CARMIL3: variants seen among roughly 807,000 people sequenced by gnomAD.
CARMIL3 encodes the protein capping protein, Arp2/3 and myosin-I linker protein 3.
In CARMIL3, 88 loss-of-function variants were observed where a neutral mutation model predicts 180.8. The ratio of observed to expected loss-of-function variants is 0.49; its 90% CI spans 0.41 to 0.58. The LOEUF is 0.58. Among genes scored for constraint, CARMIL3 ranks in the 20% least tolerant of loss-of-function variants. The probability of loss-of-function intolerance (pLI) is 0.00; values close to 1 mark genes in which losing one functional copy is unlikely to be tolerated. For synonymous variants in CARMIL3, 696 were observed against 714.5 expected (o/e 0.97, Z 0.41); for missense variants, 1,548 against 1,787.0 (o/e 0.87, Z 2.41).
chr14:24,065,900 C>T, intron 34 of CARMIL3, 150 bp downstream of exon 34: 2 of 1,154,112 alleles, frequency 1.7e-6, no homozygotes, highest in Non-Finnish European at 2.4e-6. Flanking sequence ...CCCCACCACA[C>T]ACTTGCCGTG....
chr14:24,062,295 C>T (rs1028767243), intron 27 of CARMIL3, 185 bp from the exon 28 acceptor site: 25 of 643,958 alleles, frequency 3.9e-5, no homozygotes, highest in Middle Eastern at 4.1e-4. Flanking sequence ...TGGGACTAGA[C>T]GTGTATTTGT....
chr14:24,066,791 T>G (rs1400292049), intron 36 of CARMIL3, 135 bp downstream of exon 36: 9 of 886,658 alleles, frequency 1.0e-5, no homozygotes, highest in Non-Finnish European at 1.5e-5. Flanking sequence ...TGAAAATGTT[T>G]AAGGATATTT....
At position 24,069,424 on chromosome 14, in the gene CARMIL3, C is replaced by T. The variant is rs1189644823; in HGVS notation, c.*20C>T. On this transcript the variant is annotated 3_prime_UTR_variant, in exon 40 of 40. Coordinates refer to ENST00000342740, the MANE Select transcript of CARMIL3 (RefSeq NM_138360.4). ...GACTGACAACTGCCACAACACCCTC[C>T]TCAGCCCTCGACATGTGCCTCGCAA... 2 of 1,614,038 alleles carry T rather than the reference C, an allele frequency of 1.2e-6. No individual in the cohort carries two copies. Among genetic ancestry groups the T allele is most frequent in the African/African-American group, 1.3e-5 (1 of 74,928 alleles).
At position 24,054,076 on chromosome 14, in the gene CARMIL3, C is replaced by T. The variant is rs753792594; in HGVS notation, c.136-12C>T. On this transcript the variant is annotated splice_polypyrimidine_tract_variant and intron_variant, in intron 2 of 39. Transcript: ENST00000342740. This position sits in a 1 kb window ranked among gnomAD's most constrained non-coding sequence, Gnocchi z 5.1. ...GCTGCCATGAGCTGCCGATTTTTTC[C>T]TCTCTCTGTAGGCCCTGACCTCCTG... The T allele has an allele frequency of 1.2e-6, 2 of 1,613,284 alleles. No individual in the cohort carries two copies. The highest frequency in any genetic ancestry group is 1.7e-5 in the Admixed American group (1 of 60,028).
At chr14:24,055,658 G>GC (rs1306897489) in intron 9 of CARMIL3, 40 bp downstream of exon 9, 1 of 1,613,444 alleles carries the variant, frequency 6.2e-7, no homozygotes, top group East Asian at 2.2e-5. Context: ...GAGAAGTAGT[G>GC]CCCCCCTTGG....
intron 10 of CARMIL3, 37 bp downstream of exon 10, chr14:24,055,826 T>G: frequency 1.9e-6 from 3 of 1,588,462 alleles, no homozygotes; most frequent in Non-Finnish European, 2.6e-6. Context: ...TAGTGCACCC[T>G]TGATGTAGTT....
Position 24,058,320 on chromosome 14 carries a change from A to C in CARMIL3, c.1392+96A>C. The C allele has an allele frequency of 7.5e-7, 1 of 1,326,968 alleles. No individual in the cohort carries two copies. The highest frequency in any genetic ancestry group is 2.5e-5 in the East Asian group (1 of 39,538). 82.2% of individuals were successfully genotyped at this position (1,326,968 alleles called of 1,614,324 possible). A position where few individuals can be genotyped will look rare whatever the true frequency, so the allele number is the denominator to read the frequency against. Reference sequence around the variant, plus strand: ...CTGGCTCCATCTAGCCTCTGTGCTGACCCTCTGCGACCCCCTGACCTGGCC... The same window carrying C: ...CTGGCTCCATCTAGCCTCTGTGCTGCCCCTCTGCGACCCCCTGACCTGGCC... On this transcript the variant is annotated intron_variant, in intron 17 of 39. Coordinates refer to ENST00000342740, the MANE Select transcript of CARMIL3 (RefSeq NM_138360.4). This position sits in a 1 kb window ranked among gnomAD's most constrained non-coding sequence, Gnocchi z 6.4.
chr14:24,053,160 G>C (rs1323849078), intron 1 of CARMIL3, among the ~76,000 whole-genome samples: 4 of 151,992 alleles, frequency 2.6e-5, no homozygotes, highest in African/African-American at 9.7e-5. Flanking sequence ...AACACACACA[G>C]AGGAAGTGTC....
chr14:24,064,325 G>A lies in CARMIL3; in HGVS notation c.3059G>A (p.Arg1020Lys). 6.2e-7 allele frequency: 1 copy of A among 1,611,642 alleles called. No homozygotes were observed. Among genetic ancestry groups the A allele is most frequent in the Non-Finnish European group, 8.5e-7 (1 of 1,178,876 alleles). The change falls in exon 32 of 40, where the codon AGG becomes AAG. Residue 1020 changes from arginine to lysine, a missense_variant. Arg to Lys is a conservative substitution (Grantham distance 26). Around this residue, in one of 4 missense-constraint regions of CARMIL3, gnomAD observed 668 missense variants for 687.8 expected, o/e 0.97. Coordinates refer to ENST00000342740, the MANE Select transcript of CARMIL3 (RefSeq NM_138360.4). Reference protein sequence around the residue: ...DEGLEDFFSRRVLEESSSYPR... With the variant: ...DEGLEDFFSRKVLEESSSYPR... The stretch of plus-strand genomic sequence containing the variant: ...GGGCTGGAGGACTTCTTCAGCCGAA[G>A]GGTCCTGGAGGAAAGTTCTAGGTGT...
Position 24,066,606 on chromosome 14 carries a change from C to A in CARMIL3, c.3632C>A (p.Thr1211Asn). Residue 1211 changes from threonine (T) to asparagine (N), a missense_variant, in exon 36 of 40, where the codon ACC (threonine) becomes AAC (asparagine). Transcript: ENST00000342740. ...AAGCCCCCACCACCGCCCCAAAGCA[C>A]CAAACCAAGCTTCAGCGCCATGCGC... ...SWKPPPPPQS[T>N]KPSFSAMRRA... 1 of 1,614,228 alleles carries A rather than the reference C, an allele frequency of 6.2e-7. No individual in the cohort carries two copies. Among genetic ancestry groups the A allele is most frequent in the Non-Finnish European group, 8.5e-7 (1 of 1,180,038 alleles).
At position 24,068,871 on chromosome 14, in the gene CARMIL3, G is replaced by T; in HGVS notation, c.3887G>T (p.Arg1296Met). ...GRQPPQEPGV[R>M]EEAEAGDAAP... is the part of the protein sequence containing the mutation. ...CAGCCTCCCCAGGAGCCAGGGGTCAGGGAGGAGGCTGAGGCTGGAGATGCA... is the reference window on the plus strand; with the variant it reads ...CAGCCTCCCCAGGAGCCAGGGGTCATGGAGGAGGCTGAGGCTGGAGATGCA... The change falls in exon 38 of 40, where the codon AGG becomes ATG. Residue 1296 changes from arginine to methionine, a missense_variant. Around this residue, in one of 4 missense-constraint regions of CARMIL3, gnomAD observed 668 missense variants for 687.8 expected, o/e 0.97. Coordinates refer to ENST00000342740, the MANE Select transcript of CARMIL3 (RefSeq NM_138360.4). 2 of 1,612,368 alleles carry T rather than the reference G, an allele frequency of 1.2e-6. No homozygotes were observed. Among genetic ancestry groups the T allele is most frequent in the Non-Finnish European group, 1.7e-6 (2 of 1,179,490 alleles).
Position 24,053,814 on chromosome 14 carries a change from T to TG in CARMIL3, c.135+14dup, listed in dbSNP as rs1429238217. 1 of 1,604,354 alleles carries TG rather than the reference T, an allele frequency of 6.2e-7. No homozygotes were observed. The highest frequency in any genetic ancestry group is 1.7e-5 in the Admixed American group (1 of 59,032). On this transcript the variant is annotated intron_variant, in intron 2 of 39. Coordinates refer to ENST00000342740, the MANE Select transcript of CARMIL3 (RefSeq NM_138360.4). ...GAGGACCGAGTGCTGGTGAGGGCAC[T>TG]GGGCATGTGGGGAGGGAGGAGGTGG...
Position 24,069,382 on chromosome 14 carries a change from C to T in CARMIL3, c.4097C>T (p.Thr1366Ile), listed in dbSNP as rs1369260078. 4.3e-6 allele frequency: 7 copies of T among 1,614,026 alleles called. No individual in the cohort carries two copies. Among genetic ancestry groups the T allele is most frequent in the Non-Finnish European group, 5.9e-6 (7 of 1,180,022 alleles). ...TCCCTGGATTTGTCCCCAGCAGGAA[C>T]CAGTGAGCCAGGAACAGACTGACAA... ...DRRRPPDPTG[T>I]SEPGTD Residue 1366 changes from threonine (T) to isoleucine (I), a missense_variant, in exon 40 of 40, where the codon ACC (threonine) becomes ATC (isoleucine). Physicochemically the swap from Thr to Ile is moderately conservative, Grantham distance 89. Around this residue, in one of 4 missense-constraint regions of CARMIL3, gnomAD observed 668 missense variants for 687.8 expected, o/e 0.97. Coordinates refer to ENST00000342740, the MANE Select transcript of CARMIL3 (RefSeq NM_138360.4).
intron 36 of CARMIL3, 33 bp from the exon 37 acceptor site, chr14:24,068,551 T>C (rs775366396): frequency 6.4e-7 from 1 of 1,561,592 alleles, no homozygotes; most frequent in East Asian, 2.3e-5. Flanking sequence ...AAGAATGCCT[T>C]TTCCTGCAGC....
Position 24,055,632 on chromosome 14 carries a change from G to A in CARMIL3, c.681+14G>A. 1 of 1,614,138 alleles carries A rather than the reference G, an allele frequency of 6.2e-7. No homozygotes were observed. ...GACTTGCGGCTGGTAGGAACTGGGAGGGGCTGGTGAGGTGGGAGAAGTAGT... is the reference window on the plus strand; with the variant it reads ...GACTTGCGGCTGGTAGGAACTGGGAAGGGCTGGTGAGGTGGGAGAAGTAGT... On this transcript the variant is annotated intron_variant, in intron 9 of 39. Coordinates refer to ENST00000342740, the MANE Select transcript of CARMIL3 (RefSeq NM_138360.4).
chr14:24,069,059 A>T, intron 38 of CARMIL3, 78 bp from the exon 39 acceptor site: 1 of 1,594,832 alleles, frequency 6.3e-7, no homozygotes, highest in Non-Finnish European at 8.6e-7. Flanking sequence ...ATGAGTGACA[A>T]CCAGGAGTCA....
intron 33 of CARMIL3, 57 bp from the exon 34 acceptor site, chr14:24,065,565 A>G: frequency 1.3e-6 from 2 of 1,548,350 alleles, no homozygotes; most frequent in South Asian, 2.5e-5. Context: ...ACTCCCTCAC[A>G]GCCTGGGGAG....
rs761196094 is a variant in CARMIL3, at chr14:24,066,361, G to A, written c.3526-37G>A. The A allele has an allele frequency of 1.2e-5, 20 of 1,609,374 alleles. No homozygotes were observed. The South Asian group carries it at 1.9e-4, about 15-fold the overall frequency. ...TTGTCAGCTGCAGTCCTGCCACAGA[G>A]GAGACTTTCTTACAACCTGACCCAC... On this transcript the variant is annotated intron_variant, in intron 34 of 39. Coordinates refer to ENST00000342740, the MANE Select transcript of CARMIL3 (RefSeq NM_138360.4).
Position 24,064,356 on chromosome 14 carries a change from CT to C in CARMIL3, c.3080+11del. 1 of 1,587,136 alleles carries C rather than the reference CT, an allele frequency of 6.3e-7. No homozygotes were observed. Among genetic ancestry groups the C allele is most frequent in the Non-Finnish European group, 8.6e-7 (1 of 1,160,016 alleles). On this transcript the variant is annotated intron_variant, in intron 32 of 39. Transcript: ENST00000342740. The stretch of plus-strand genomic sequence containing the variant: ...TGGAGGAAAGTTCTAGGTGTGATGC[CT>C]AAACACACTCCCATTTTCAGCAGGC...
Sources: allele counts gnomAD v4.1 joint callset (sites outside exome capture counted in the v4.1 genomes callset), GRCh38; gene constraint gnomAD v4.1.1; regional missense constraint gnomAD v4.1.1; non-coding constraint Gnocchi (gnomAD v3.1); transcripts MANE v1.5; gene names NCBI Gene and HGNC (gene_info 2026-07-23, HGNC 2026-07-21).